VAT1L: variants seen among roughly 807,000 people sequenced by gnomAD.
The protein encoded by VAT1L is vesicle amine transport 1 like, also known as putative NADPH-dependent quinone oxidoreductase VAT1L.
Under a neutral mutation model 44.1 loss-of-function variants are expected in VAT1L, and 34 were observed. The observed-to-expected ratio is 0.77, with a 90% CI of 0.59 to 1.03. The LOEUF is 1.03. VAT1L is among the 50% of genes least tolerant of loss of function. VAT1L has a pLI of 0.00. For missense variants in VAT1L, 615 were observed against 538.8 expected (o/e 1.14, Z -1.40); for synonymous variants, 253 against 202.2 (o/e 1.25, Z -2.13).
At chr16:77,920,875 C>T (rs1306570274) in intron 7 of VAT1L, among the ~76,000 whole-genome samples, 5 of 151,980 alleles carry the variant, frequency 3.3e-5, no homozygotes, top group Non-Finnish European at 7.4e-5. Flanking sequence ...ATAACAAAAC[C>T]CCCTAACCAT....
chr16:77,883,484 T>A (rs1483231713), intron 6 of VAT1L, among the ~76,000 whole-genome samples: 1 of 152,208 alleles, frequency 6.6e-6, no homozygotes, highest in African/African-American at 2.4e-5. Flanking sequence ...GCTTTAATGC[T>A]ATGGATATTT....
intron 3 of VAT1L, among the ~76,000 whole-genome samples, chr16:77,854,282 C>T (rs773043865): frequency 2.6e-5 from 4 of 152,188 alleles, no homozygotes; most frequent in Non-Finnish European, 5.9e-5. Context: ...TGTCACAGCG[C>T]ATATCACGTG....
chr16:77,910,307 C>G (rs2017485657), intron 7 of VAT1L, among the ~76,000 whole-genome samples: 1 of 152,158 alleles, frequency 6.6e-6, no homozygotes, highest in Non-Finnish European at 1.5e-5. Flanking sequence ...AAAAAACGAG[C>G]CTCTCAGGAT....
intron 7 of VAT1L, among the ~76,000 whole-genome samples, chr16:77,931,371 T>G (rs1343576670): frequency 1.3e-5 from 2 of 152,134 alleles, no homozygotes; most frequent in Non-Finnish European, 2.9e-5. Context: ...GATCACAAAT[T>G]TTACCTCTGG....
In VAT1L at chr16:77,884,516, C is replaced by A; in HGVS notation, c.883-92C>A. On this transcript the variant is annotated intron_variant, in intron 6 of 8. Coordinates refer to ENST00000302536, the MANE Select transcript of VAT1L (RefSeq NM_020927.3). The surrounding 1 kb of genome is among the most constrained non-coding windows in gnomAD (Gnocchi z 4.5). ...CTGCTGAGCTGCAGCCCCACGTTCCCCCTGTAGTAGCTGATGACATCAGCA... is the reference window on the plus strand; with the variant it reads ...CTGCTGAGCTGCAGCCCCACGTTCCACCTGTAGTAGCTGATGACATCAGCA... 1 of 1,330,670 alleles carries A rather than the reference C, an allele frequency of 7.5e-7. No individual in the cohort carries two copies. Among genetic ancestry groups the A allele is most frequent in the South Asian group, 1.4e-5 (1 of 71,534 alleles). The allele number at this position is 1,330,670 out of a possible 1,614,324, so 82.4% of individuals were successfully genotyped here.
At chr16:77,901,417 G>A (rs544067552) in intron 7 of VAT1L, among the ~76,000 whole-genome samples, 14 of 152,020 alleles carry the variant, frequency 9.2e-5, no homozygotes, top group East Asian at 1.9e-4. Context: ...GCCCGCCTCC[G>A]CCTCCCAAAG....
intron 3 of VAT1L, among the ~76,000 whole-genome samples, chr16:77,862,524 G>C (rs1012939212): frequency 2.1e-4 from 32 of 150,724 alleles, no homozygotes; most frequent in African/African-American, 5.4e-4. Flanking sequence ...GCTGAGGCAG[G>C]AGAATCGCTA....
intron 7 of VAT1L, among the ~76,000 whole-genome samples, chr16:77,920,938 T>TGTGTGTGTGTGTGTGTGTA (rs1216037696): frequency 6.6e-6 from 1 of 151,804 alleles, no homozygotes; most frequent in East Asian, 1.9e-4. Flanking sequence ...TGTGTGTGTG[T>TGTGTGTGTGTGTGTGTGTA]GTGTGTGTGT....
intron 7 of VAT1L, among the ~76,000 whole-genome samples, chr16:77,969,397 G>C (rs2018255958): frequency 6.6e-6 from 1 of 151,988 alleles, no homozygotes; most frequent in Non-Finnish European, 1.5e-5. Flanking sequence ...AAATGGGGAA[G>C]GGTCTGCTTC....
In VAT1L at chr16:77,828,297, G is replaced by A. The variant is rs1024536983; in HGVS notation, c.579+2836G>A. 2.6e-5 allele frequency among the ~76,000 whole-genome samples: 4 copies of A among 152,222 alleles called. No individual in the cohort carries two copies. The South Asian group carries it at 8.3e-4, about 32-fold the overall frequency. On this transcript the variant is annotated intron_variant, in intron 3 of 8. Transcript: ENST00000302536. ...AAGGAACTTTACAGGTATGACTAAA[G>A]TAAGGACGTTGAGATAGGGAGGTTA... is the stretch of plus-strand genomic sequence containing the variant.
chr16:77,808,966 A>C (rs1165116827), intron 1 of VAT1L, among the ~76,000 whole-genome samples: 1 of 152,142 alleles, frequency 6.6e-6, no homozygotes, highest in Non-Finnish European at 1.5e-5. Context: ...GGCATCCACT[A>C]CCTAGTATAC....
chr16:77,908,740 C>A (rs978248490), intron 7 of VAT1L, among the ~76,000 whole-genome samples: 2 of 151,880 alleles, frequency 1.3e-5, no homozygotes, highest in African/African-American at 2.4e-5. Context: ...ACAGCGAAAC[C>A]CGTCTCTACT....
At chr16:77,902,412 T>C (rs1318285711) in intron 7 of VAT1L, among the ~76,000 whole-genome samples, 1 of 152,228 alleles carries the variant, frequency 6.6e-6, no homozygotes, top group African/African-American at 2.4e-5. Context: ...CAGCAGCTAT[T>C]TTTTATTCAG....
intron 7 of VAT1L, among the ~76,000 whole-genome samples, chr16:77,901,822 A>C (rs1419210706): frequency 6.6e-6 from 1 of 152,222 alleles, no homozygotes; most frequent in Non-Finnish European, 1.5e-5. Context: ...TGTCCAGCGC[A>C]ACCAAAGTGG....
intron 8 of VAT1L, 81 bp from the exon 9 acceptor site, chr16:77,977,516 T>A: frequency 7.0e-7 from 1 of 1,429,370 alleles, no homozygotes; most frequent in African/African-American, 1.4e-5. Context: ...CAAGAAGTCC[T>A]CCCATAGGAC....
chr16:77,954,777 T>C (rs533943547), intron 7 of VAT1L, among the ~76,000 whole-genome samples: 29 of 152,298 alleles, frequency 1.9e-4, no homozygotes, highest in Middle Eastern at 3.4e-3. Flanking sequence ...TAAAGCACTT[T>C]TGAATTAAAA....
At chr16:77,892,904 G>C (rs2017283107) in intron 7 of VAT1L, 14 of 1,104,722 alleles carry the variant, frequency 1.3e-5, no homozygotes, top group Non-Finnish European at 1.6e-5. Flanking sequence ...TGCTGACTGT[G>C]GACAAATCTA....
At chr16:77,898,272 G>T (rs995238784) in intron 7 of VAT1L, among the ~76,000 whole-genome samples, 1 of 152,102 alleles carries the variant, frequency 6.6e-6, no homozygotes, top group Non-Finnish European at 1.5e-5. Context: ...TTCTAAATAA[G>T]GTTGCGATGG....
intron 7 of VAT1L, among the ~76,000 whole-genome samples, chr16:77,941,801 C>T (rs1487537975): frequency 9.9e-5 from 15 of 152,046 alleles, no homozygotes; most frequent in Admixed American, 4.6e-4. Context: ...GTTGGCCAGG[C>T]TGGTCTCAAA....
Sources: gnomAD v4.1 joint callset for allele counts (sites outside exome capture counted in the v4.1 genomes callset) on GRCh38, gnomAD v4.1.1 for gene constraint, Gnocchi (gnomAD v3.1) non-coding constraint, MANE v1.5 for transcripts, NCBI Gene and HGNC (gene_info 2026-07-23, HGNC 2026-07-21) for gene names.